Variants in FLI1 observed in about 807,000 individuals in gnomAD.
The protein encoded by FLI1 is Fli-1 proto-oncogene, ETS transcription factor.
In FLI1, 13 loss-of-function variants were observed where a neutral mutation model predicts 53.1. The ratio of observed to expected loss-of-function variants is 0.24; its 90% CI spans 0.16 to 0.39. The LOEUF (loss-of-function observed/expected upper bound fraction) is 0.39, where lower values mean the gene tolerates loss of function less well. Ranked by LOEUF, FLI1 falls within the 10% of genes least tolerant of loss-of-function variation. The pLI is 1.00. For synonymous variants in FLI1, 244 were observed against 236.7 expected (o/e 1.03, Z -0.28); for missense variants, 424 against 600.5 (o/e 0.71, Z 3.07).
chr11:128,715,236 A>G (rs897051500), intron 1 of FLI1, among the ~76,000 whole-genome samples: 14 of 152,234 alleles, frequency 9.2e-5, no homozygotes, highest in Non-Finnish European at 1.6e-4. Flanking sequence ...TTAAACATAT[A>G]CAATTAATTA....
At chr11:128,773,888 C>A (rs1941651760) in intron 4 of FLI1, among the ~76,000 whole-genome samples, 1 of 151,924 alleles carries the variant, frequency 6.6e-6, no homozygotes. Flanking sequence ...AGCATTCTAG[C>A]AGCCCTGTGC....
intron 2 of FLI1, among the ~76,000 whole-genome samples, chr11:128,765,434 G>T (rs906775349): frequency 2.0e-5 from 3 of 152,162 alleles, no homozygotes; most frequent in Non-Finnish European, 4.4e-5. Context: ...CCAGGGGCCC[G>T]GCTGATGTGG....
chr11:128,698,936 C>T (rs2135697840), intron 1 of FLI1, among the ~76,000 whole-genome samples: 1 of 152,106 alleles, frequency 6.6e-6, no homozygotes, highest in East Asian at 1.9e-4. Context: ...AAAATAAGTC[C>T]TTCTTTTCCA....
Position 128,769,444 on chromosome 11 carries a change from G to A in FLI1, c.385+1172G>A, listed in dbSNP as rs75014127. On this transcript the variant is annotated intron_variant, in intron 3 of 8. Coordinates refer to ENST00000527786, the MANE Select transcript of FLI1 (RefSeq NM_002017.5). ...GTTAGACATCTCTTTGAGGTAGTCC[G>A]AAGGCATCTGCTTGTAGGTCTAAAG... Among the ~76,000 whole-genome samples, 1,070 of 152,286 alleles carry A rather than the reference G, an allele frequency of 7.0e-3. 8 individuals are homozygous for A. The highest frequency in any genetic ancestry group is 0.03 in the South Asian group (146 of 4,824).
intron 2 of FLI1, among the ~76,000 whole-genome samples, chr11:128,763,685 G>A (rs367948048): frequency 2.0e-5 from 3 of 152,298 alleles, no homozygotes; most frequent in Admixed American, 1.3e-4. Context: ...CTCTGGCTGC[G>A]AGGCCCCTTT....
chr11:128,755,188 T>A (rs1382116616), intron 1 of FLI1, among the ~76,000 whole-genome samples: 2 of 152,190 alleles, frequency 1.3e-5, no homozygotes, highest in African/African-American at 4.8e-5. Flanking sequence ...AGGAACTTTT[T>A]GCCCATCTAT....
chr11:128,765,256 C>A (rs1941293036), intron 2 of FLI1, among the ~76,000 whole-genome samples: 1 of 152,138 alleles, frequency 6.6e-6, no homozygotes, highest in South Asian at 2.1e-4. Context: ...GGAAATGTTT[C>A]TTTCAGCTTT....
chr11:128,790,167 A>G (rs768569032), intron 5 of FLI1, among the ~76,000 whole-genome samples: 1 of 150,472 alleles, frequency 6.6e-6, no homozygotes, highest in Admixed American at 6.6e-5. Flanking sequence ...TGCTCTCTCT[A>G]TTTTATTTTT....
At position 128,811,161 on chromosome 11, in the gene FLI1, C is replaced by T. The variant is rs2135926515; in HGVS notation, c.*173C>T. ...AAAACATTTTTTTTAATGTTGGTAACTTTTGCTTCCTCTACCTGAACAAAG... is the reference window on the plus strand; with the variant it reads ...AAAACATTTTTTTTAATGTTGGTAATTTTTGCTTCCTCTACCTGAACAAAG... On this transcript the variant is annotated 3_prime_UTR_variant, in exon 9 of 9. Transcript: ENST00000527786. 1.6e-6 allele frequency: 1 copy of T among 632,220 alleles called. No homozygotes were observed. The highest frequency in any genetic ancestry group is 2.7e-6 in the Non-Finnish European group (1 of 368,538). The allele number at this position is 632,220 out of a possible 1,614,324, so 39.2% of individuals were successfully genotyped here. A position where few individuals can be genotyped will look rare whatever the true frequency, so the allele number is the denominator to read the frequency against.
chr11:128,772,185 T>A (rs891350782), intron 3 of FLI1, among the ~76,000 whole-genome samples: 1 of 152,162 alleles, frequency 6.6e-6, no homozygotes, highest in African/African-American at 2.4e-5. Context: ...CTCCCCAACG[T>A]CATCTCTCAT....
chr11:128,772,650 T>C (rs1941604772), intron 3 of FLI1, 132 bp from the exon 4 acceptor site: 1 of 736,820 alleles, frequency 1.4e-6, no homozygotes, highest in Non-Finnish European at 2.4e-6. Context: ...AGGGGAACCA[T>C]GTGGAAGGGA....
At chr11:128,695,039 TC>T (rs1937990446) in intron 1 of FLI1, among the ~76,000 whole-genome samples, 1 of 145,136 alleles carries the variant, frequency 6.9e-6, no homozygotes, top group African/African-American at 2.6e-5. Flanking sequence ...GTGCGCCGGC[TC>T]CAGGACCAGG....
chr11:128,779,207 C>T (rs569176754), intron 4 of FLI1, among the ~76,000 whole-genome samples: 2 of 152,322 alleles, frequency 1.3e-5, no homozygotes, highest in East Asian at 1.9e-4. Context: ...ATCTAAGGTT[C>T]GTGCTTTCGG....
chr11:128,721,358 C>T (rs1263731570), intron 1 of FLI1, among the ~76,000 whole-genome samples: 1 of 152,194 alleles, frequency 6.6e-6, no homozygotes, highest in Non-Finnish European at 1.5e-5. Flanking sequence ...GAGGTCCCTG[C>T]TGTCACAGAA....
chr11:128,737,894 A>G (rs1939974496), intron 1 of FLI1, among the ~76,000 whole-genome samples: 1 of 152,206 alleles, frequency 6.6e-6, no homozygotes, highest in Non-Finnish European at 1.5e-5. Flanking sequence ...TGCTTAATCA[A>G]AACCTGTGTG....
rs1355264123 is a variant in FLI1, at chr11:128,694,168, C to G, written c.-91C>G. 8 of 1,418,346 alleles carry G rather than the reference C, an allele frequency of 5.6e-6. No individual in the cohort carries two copies. Among genetic ancestry groups the G allele is most frequent in the Non-Finnish European group, 7.5e-6 (8 of 1,068,534 alleles). 87.9% of individuals were successfully genotyped at this position (1,418,346 alleles called of 1,614,324 possible). On this transcript the variant is annotated 5_prime_UTR_variant, in exon 1 of 9. Transcript: ENST00000527786. ...GGAGGGCCCAGGGCGCCAGGGAGGC[C>G]GCGCCGGGCTAATCCGAAGGGGCTG...
chr11:128,788,285 C>A (rs1378246181), intron 5 of FLI1, among the ~76,000 whole-genome samples: 2 of 151,924 alleles, frequency 1.3e-5, no homozygotes, highest in Non-Finnish European at 2.9e-5. Context: ...GCTTGGCCAA[C>A]ATGGTGAAAC....
intron 1 of FLI1, among the ~76,000 whole-genome samples, chr11:128,717,546 G>A (rs911882489): frequency 4.6e-5 from 7 of 152,152 alleles, no homozygotes; most frequent in African/African-American, 9.7e-5. Flanking sequence ...GGCAGGAAGT[G>A]CCTTTGTTTG....
chr11:128,765,183 T>A (rs1037094296), intron 2 of FLI1, among the ~76,000 whole-genome samples: 1 of 152,188 alleles, frequency 6.6e-6, no homozygotes, highest in Non-Finnish European at 1.5e-5. Context: ...CTGCGTCCAC[T>A]TTCCCTTCGT....
Sources: gnomAD v4.1 joint callset for allele counts (sites outside exome capture counted in the v4.1 genomes callset) on GRCh38, gnomAD v4.1.1 for gene constraint, MANE v1.5 for transcripts, NCBI Gene and HGNC (gene_info 2026-07-23, HGNC 2026-07-21) for gene names.